The following TRIP4 variants were observed in gnomAD, a reference collection of about 807,000 sequenced individuals.
The protein encoded by TRIP4 is thyroid hormone receptor interactor 4.
In TRIP4, 54 loss-of-function variants were observed where a neutral mutation model predicts 81.8. That is an observed-to-expected ratio of 0.66 (90% CI 0.53 to 0.83). The LOEUF (loss-of-function observed/expected upper bound fraction) is 0.83. Among genes scored for constraint, TRIP4 ranks in the 40% least tolerant of loss-of-function variants. The pLI is 0.00. For synonymous variants in TRIP4, 270 were observed against 242.8 expected, an observed-to-expected ratio of 1.11 and a Z score of -1.04; for missense variants, 662 against 683.6, an observed-to-expected ratio of 0.97 and a Z score of 0.35.
In TRIP4 at chr15:64,405,096, T is replaced by A. The variant is rs566773380; in HGVS notation, c.698-1234T>A. ...AGAAAACACAACCATGGAATCAATG[T>A]TGGCTTTAGAGTTATACTCGAGCTC... On this transcript the variant is annotated intron_variant, in intron 5 of 12. Coordinates refer to ENST00000261884, the MANE Select transcript of TRIP4 (RefSeq NM_016213.5). Among the ~76,000 whole-genome samples, 143 of 152,298 alleles carry A rather than the reference T, an allele frequency of 9.4e-4. 1 individual carries two copies. The highest frequency in any genetic ancestry group is 3.0e-3 in the African/African-American group (124 of 41,574).
chr15:64,429,138 A>G (rs1042881394), intron 11 of TRIP4, among the ~76,000 whole-genome samples: 6 of 151,134 alleles, frequency 4.0e-5, no homozygotes, highest in African/African-American at 1.5e-4. Flanking sequence ...AACATGGTGA[A>G]ACCCCGTCTC....
intron 12 of TRIP4, among the ~76,000 whole-genome samples, chr15:64,450,375 T>C (rs1892728190): frequency 8.1e-6 from 1 of 123,474 alleles, no homozygotes; most frequent in Admixed American, 1.1e-4. Context: ...GGCGAGAGTG[T>C]GAGACTCCGT....
chr15:64,406,165 C>T (rs1347217490), intron 5 of TRIP4, among the ~76,000 whole-genome samples, 165 bp from the exon 6 acceptor site: 2 of 152,196 alleles, frequency 1.3e-5, no homozygotes, highest in East Asian at 3.8e-4. Flanking sequence ...CTGCTTACTG[C>T]TGTACAGGTA....
At chr15:64,388,135 G>C in intron 1 of TRIP4, 171 bp downstream of exon 1, 1 of 1,196,128 alleles carries the variant, frequency 8.4e-7, no homozygotes, top group Non-Finnish European at 1.1e-6. Flanking sequence ...TTAGTTTCTG[G>C]AATAGGGTGT....
intron 3 of TRIP4, 40 bp from the exon 4 acceptor site, chr15:64,397,566 A>C (rs1447657462): frequency 6.3e-7 from 1 of 1,591,582 alleles, no homozygotes; most frequent in Admixed American, 1.7e-5. Context: ...TTACATTGTC[A>C]TTAATTATTT....
intron 11 of TRIP4, 76 bp from the exon 12 acceptor site, chr15:64,444,930 C>G (rs1566985755): frequency 5.3e-6 from 4 of 752,560 alleles, no homozygotes; most frequent in Non-Finnish European, 9.0e-6. Context: ...GAGGTGAAAT[C>G]TGGGACATCT....
At chr15:64,437,072 AG>A (rs922490924) in intron 11 of TRIP4, among the ~76,000 whole-genome samples, 1 of 151,616 alleles carries the variant, frequency 6.6e-6, no homozygotes, top group African/African-American at 2.4e-5. Flanking sequence ...GCCATGTAGT[AG>A]GTGCACAGTA....
At chr15:64,445,177 C>A in intron 12 of TRIP4, 69 bp downstream of exon 12, 1 of 800,696 alleles carries the variant, frequency 1.2e-6, no homozygotes, top group Non-Finnish European at 2.1e-6. Context: ...AAAAGTAGAA[C>A]AAGGAGTTCA....
intron 9 of TRIP4, among the ~76,000 whole-genome samples, chr15:64,422,704 T>G (rs55881719): frequency 0.048 from 7,369 of 152,276 alleles, 238 homozygotes; most frequent in South Asian, 0.089. Flanking sequence ...CCTATTTGGA[T>G]CTGTTATTCA....
At chr15:64,408,167 T>TTG (rs1276710261) in intron 6 of TRIP4, among the ~76,000 whole-genome samples, 10 of 150,944 alleles carry the variant, frequency 6.6e-5, no homozygotes, top group Non-Finnish European at 1.2e-4. Flanking sequence ...ATTTTTGTTT[T>TTG]TTTTTTTTGA....
At chr15:64,410,070 G>T (rs1458591967) in intron 7 of TRIP4, among the ~76,000 whole-genome samples, 1 of 142,592 alleles carries the variant, frequency 7.0e-6, no homozygotes, top group Non-Finnish European at 1.5e-5. Context: ...TTGTTGCCCA[G>T]GCTGGAGTGC....
intron 11 of TRIP4, among the ~76,000 whole-genome samples, chr15:64,435,213 CAAAAAAA>C (rs35216763): frequency 2.0e-5 from 1 of 50,398 alleles, no homozygotes; most frequent in Non-Finnish European, 3.2e-5. Context: ...GACCCCATCT[CAAAAAAA>C]AAAAAAAAAA....
At chr15:64,389,022 G>A (rs942863517) in intron 1 of TRIP4, among the ~76,000 whole-genome samples, 7 of 137,950 alleles carry the variant, frequency 5.1e-5, no homozygotes, top group Non-Finnish European at 1.0e-4. Context: ...GGGAAATGAA[G>A]GGGCTTGTTG....
chr15:64,401,892 A>G (rs188974218), intron 5 of TRIP4, among the ~76,000 whole-genome samples: 6 of 152,350 alleles, frequency 3.9e-5, no homozygotes, highest in East Asian at 1.9e-4. Context: ...GAGATTTACA[A>G]TGTCATGAAA....
chr15:64,410,651 TAGG>T (rs1891740705), intron 7 of TRIP4, among the ~76,000 whole-genome samples: 1 of 152,100 alleles, frequency 6.6e-6, no homozygotes, highest in Non-Finnish European at 1.5e-5. Flanking sequence ...TACAGAATTA[TAGG>T]AGAATATAAT....
intron 12 of TRIP4, among the ~76,000 whole-genome samples, chr15:64,454,567 G>A (rs1432059672): frequency 6.6e-6 from 1 of 152,056 alleles, no homozygotes; most frequent in Non-Finnish European, 1.5e-5. Flanking sequence ...CAGCAAAGGG[G>A]TGTTGAACTG....
intron 11 of TRIP4, among the ~76,000 whole-genome samples, chr15:64,434,402 G>GA (rs35606754): frequency 0.87 from 120,279 of 138,098 alleles, 52,657 homozygotes; most frequent in East Asian, 0.94. Flanking sequence ...TCCGTCTCAA[G>GA]AAAAAAAAAA....
intron 9 of TRIP4, 72 bp downstream of exon 9, chr15:64,418,800 G>A: frequency 1.4e-6 from 2 of 1,391,672 alleles, no homozygotes; most frequent in Admixed American, 2.8e-5. Context: ...AATATGAATT[G>A]GAATTAGTTT....
intron 11 of TRIP4, among the ~76,000 whole-genome samples, chr15:64,442,414 G>A (rs1453444800): frequency 1.3e-5 from 2 of 151,904 alleles, no homozygotes; most frequent in Non-Finnish European, 2.9e-5. Flanking sequence ...TGTTGCCCAC[G>A]CTAGAGTGTG....
Sources: gnomAD v4.1 joint callset for allele counts (sites outside exome capture counted in the v4.1 genomes callset) on GRCh38, gnomAD v4.1.1 for gene constraint, MANE v1.5 for transcripts, NCBI Gene and HGNC (gene_info 2026-07-23, HGNC 2026-07-21) for gene names.